The following DLG2 variants were observed in gnomAD, a reference collection of about 807,000 sequenced individuals.
DLG2 encodes the protein discs large MAGUK scaffold protein 2.
In DLG2, 45 loss-of-function variants were observed where a neutral mutation model predicts 132.5. The observed-to-expected ratio is 0.34, with a 90% CI of 0.27 to 0.44. The LOEUF (loss-of-function observed/expected upper bound fraction) is 0.44, where lower values mean the gene tolerates loss of function less well. Among genes scored for constraint, DLG2 ranks in the 20% least tolerant of loss-of-function variants. The probability of loss-of-function intolerance (pLI) is 1.00; values close to 1 mark genes in which losing one functional copy is unlikely to be tolerated. For missense variants in DLG2, 1,045 were observed against 1,196.9 expected (o/e 0.87, Z 1.87); for synonymous variants, 424 against 419.6 (o/e 1.01, Z -0.13).
chr11:85,014,560 A>G (rs779311248), intron 6 of DLG2, among the ~76,000 whole-genome samples: 2 of 152,060 alleles, frequency 1.3e-5, no homozygotes, highest in Non-Finnish European at 2.9e-5. Context: ...TTTCTCCTCC[A>G]TATTTCTGGC....
At chr11:85,267,889 T>TGA (rs1243291088) in intron 4 of DLG2, among the ~76,000 whole-genome samples, 1 of 151,282 alleles carries the variant, frequency 6.6e-6, no homozygotes, top group African/African-American at 2.4e-5. Flanking sequence ...TTTGTATGTG[T>TGA]GTGTGTGTGT....
At chr11:83,804,954 A>G (rs1387825524) in intron 17 of DLG2, among the ~76,000 whole-genome samples, 5 of 152,098 alleles carry the variant, frequency 3.3e-5, no homozygotes, top group Non-Finnish European at 1.5e-5. Context: ...CTTTTTTTAA[A>G]AATAATTTCA....
chr11:85,402,414 T>A (rs1478159869), intron 3 of DLG2, among the ~76,000 whole-genome samples: 1 of 152,046 alleles, frequency 6.6e-6, no homozygotes, highest in Non-Finnish European at 1.5e-5. Context: ...GCAATACCAT[T>A]CAGGACATAG....
chr11:84,323,140 T>G (rs1391614495), intron 7 of DLG2, among the ~76,000 whole-genome samples: 1 of 152,112 alleles, frequency 6.6e-6, no homozygotes, highest in African/African-American at 2.4e-5. Context: ...AAAGCAGATC[T>G]CTACCACTTT....
At position 84,843,818 on chromosome 11, in the gene DLG2, G is replaced by A. The variant is rs116614681; in HGVS notation, c.357+267843C>T. Among the ~76,000 whole-genome samples the A allele has an allele frequency of 8.7e-3, 1,312 of 151,564 alleles. 15 individuals carry two copies. The highest frequency in any genetic ancestry group is 0.029 in the African/African-American group (1,209 of 41,384). ...TTTCCCCAAATATTTTTGATTCACA[G>A]CAGGTTGAATCCATGGATGTGGAAC... On this transcript the variant is annotated intron_variant, in intron 6 of 27. Transcript: ENST00000376104.
chr11:84,812,511 C>T (rs948853253), intron 6 of DLG2, among the ~76,000 whole-genome samples: 5 of 152,136 alleles, frequency 3.3e-5, no homozygotes, highest in Non-Finnish European at 7.3e-5. Context: ...ATTAGTTATG[C>T]AAATCCTGTG....
At chr11:84,810,939 A>G (rs2076485105) in intron 6 of DLG2, among the ~76,000 whole-genome samples, 1 of 152,182 alleles carries the variant, frequency 6.6e-6, no homozygotes, top group South Asian at 2.1e-4. Context: ...CTAAAAGTAG[A>G]GAAGGGGGTG....
intron 6 of DLG2, among the ~76,000 whole-genome samples, chr11:84,600,213 A>T (rs571105962): frequency 2.2e-5 from 3 of 136,692 alleles, no homozygotes; most frequent in Middle Eastern, 3.8e-3. Flanking sequence ...AGAAAGAAAG[A>T]AAGAAAGAAA....
chr11:84,982,694 C>T (rs1191209042), intron 6 of DLG2, among the ~76,000 whole-genome samples: 1 of 151,640 alleles, frequency 6.6e-6, no homozygotes, highest in Non-Finnish European at 1.5e-5. Context: ...AAAATATCCT[C>T]AAATAGAATT....
At chr11:85,047,003 C>T (rs373440726) in intron 6 of DLG2, among the ~76,000 whole-genome samples, 1 of 151,790 alleles carries the variant, frequency 6.6e-6, no homozygotes, top group African/African-American at 2.4e-5. Context: ...TCCTTGGCTA[C>T]TTTTCCATAG....
chr11:85,369,595 G>T (rs2084820673), intron 3 of DLG2, among the ~76,000 whole-genome samples: 1 of 152,116 alleles, frequency 6.6e-6, no homozygotes, highest in South Asian at 2.1e-4. Context: ...TGGCCCATCT[G>T]GTGTGCTTTG....
chr11:84,561,181 G>A (rs2099428189), intron 6 of DLG2, among the ~76,000 whole-genome samples: 1 of 151,952 alleles, frequency 6.6e-6, no homozygotes, highest in Non-Finnish European at 1.5e-5. Context: ...GCTTTACTGA[G>A]CATCTATATT....
chr11:84,309,725 C>G (rs1014507984), intron 7 of DLG2, among the ~76,000 whole-genome samples: 1 of 152,136 alleles, frequency 6.6e-6, no homozygotes, highest in Non-Finnish European at 1.5e-5. Flanking sequence ...AAGGTGGTAT[C>G]AAACAGAGAT....
intron 19 of DLG2, among the ~76,000 whole-genome samples, chr11:83,573,730 T>C (rs957082618): frequency 2.6e-5 from 4 of 152,312 alleles, no homozygotes; most frequent in African/African-American, 7.2e-5. Context: ...CTTTTATTTA[T>C]ACTAAGCAAA....
chr11:84,125,677 A>T (rs1237832004), intron 9 of DLG2, among the ~76,000 whole-genome samples: 2 of 152,234 alleles, frequency 1.3e-5, no homozygotes, highest in African/African-American at 4.8e-5. Flanking sequence ...AGAAATAGCC[A>T]TGCAGGCAGC....
At chr11:85,140,977 T>G (rs1001671170) in intron 5 of DLG2, among the ~76,000 whole-genome samples, 1 of 151,948 alleles carries the variant, frequency 6.6e-6, no homozygotes, top group South Asian at 2.1e-4. Context: ...CATTCATCAG[T>G]TGATGGACAC....
chr11:85,465,305 T>C (rs1001659736), intron 3 of DLG2, among the ~76,000 whole-genome samples: 2 of 151,626 alleles, frequency 1.3e-5, no homozygotes, highest in African/African-American at 4.8e-5. Flanking sequence ...TGCAACTGGC[T>C]AATTTTTTTT....
chr11:85,140,615 T>G lies in DLG2; in HGVS notation c.282+13941A>C, dbSNP rs145012869. ...ATTCCAGTCTTAGTTTTTTGATATA[T>G]ACAATAATTATTGTTGACTATAGTC... On this transcript the variant is annotated intron_variant, in intron 5 of 27. Transcript: ENST00000376104. 2.3e-3 allele frequency among the ~76,000 whole-genome samples: 345 copies of G among 151,808 alleles called. 2 individuals carry two copies. Among genetic ancestry groups the G allele is most frequent in the Non-Finnish European group, 3.2e-3 (220 of 67,764 alleles).
At chr11:83,993,141 A>G (rs2093817060) in intron 11 of DLG2, among the ~76,000 whole-genome samples, 1 of 152,162 alleles carries the variant, frequency 6.6e-6, no homozygotes, top group Non-Finnish European at 1.5e-5. Flanking sequence ...TATGTGCACT[A>G]ATCTTTCCTT....
Sources: gnomAD v4.1 joint callset for allele counts (sites outside exome capture counted in the v4.1 genomes callset) on GRCh38, gnomAD v4.1.1 for gene constraint, MANE v1.5 for transcripts, NCBI Gene and HGNC (gene_info 2026-07-23, HGNC 2026-07-21) for gene names.